The following ARID1B variants were observed in gnomAD, a reference collection of about 807,000 sequenced individuals.
ARID1B encodes AT-rich interaction domain 1B, also known as AT-rich interactive domain-containing protein 1B.
In ARID1B, 30 loss-of-function variants were observed where a neutral mutation model predicts 212.3. That is an observed-to-expected ratio of 0.14 (90% CI 0.11 to 0.19). The LOEUF (loss-of-function observed/expected upper bound fraction) is 0.19, where lower values mean the gene tolerates loss of function less well. Ranked by LOEUF, ARID1B falls within the 10% of genes least tolerant of loss-of-function variation. ARID1B has a pLI of 1.00. For missense variants in ARID1B, 2,891 were observed against 3,204.0 expected (o/e 0.90, Z 2.36); for synonymous variants, 1,402 against 1,301.7 (o/e 1.08, Z -1.66).
intron 19 of ARID1B, chr6:157,204,940 G>A (rs1794346208): frequency 6.6e-6 from 1 of 152,066 alleles, no homozygotes; most frequent in African/African-American, 2.4e-5. Context: ...AGCCTAGAAA[G>A]GCAATTTTTC....
intron 5 of ARID1B, among the ~76,000 whole-genome samples, chr6:157,093,269 C>A (rs1785395613): frequency 6.6e-6 from 1 of 152,110 alleles, no homozygotes; most frequent in South Asian, 2.1e-4. Context: ...CACCATGTTT[C>A]CTAAAAGAGA....
At chr6:156,985,037 C>T (rs975005482) in intron 4 of ARID1B, 7 of 152,026 alleles carry the variant, frequency 4.6e-5, no homozygotes, top group Non-Finnish European at 8.8e-5. Flanking sequence ...GACTTCATTT[C>T]CAAATAAAAG....
chr6:157,157,760 C>T (rs1171071647), intron 8 of ARID1B, among the ~76,000 whole-genome samples: 1 of 152,192 alleles, frequency 6.6e-6, no homozygotes, highest in African/African-American at 2.4e-5. Context: ...CAGTGGCTCA[C>T]GCCCGTAATC....
At chr6:156,798,043 G>A (rs965852121) in intron 1 of ARID1B, among the ~76,000 whole-genome samples, 3 of 152,236 alleles carry the variant, frequency 2.0e-5, no homozygotes, top group African/African-American at 7.2e-5. Context: ...CAGAGGAGTG[G>A]TCGGGAAGGC....
At chr6:156,959,202 A>G (rs534936002) in intron 4 of ARID1B, among the ~76,000 whole-genome samples, 2 of 152,172 alleles carry the variant, frequency 1.3e-5, no homozygotes, top group Non-Finnish European at 2.9e-5. Flanking sequence ...AAAATTATGT[A>G]CAGTCCTCAG....
At chr6:157,043,572 A>G (rs1782026862) in intron 4 of ARID1B, among the ~76,000 whole-genome samples, 1 of 152,142 alleles carries the variant, frequency 6.6e-6, no homozygotes, top group African/African-American at 2.4e-5. Flanking sequence ...TGACTTTCAC[A>G]TGGTAAACAG....
chr6:157,051,147 TG>T (rs1173773130), intron 4 of ARID1B, among the ~76,000 whole-genome samples: 2 of 152,226 alleles, frequency 1.3e-5, no homozygotes, highest in East Asian at 3.8e-4. Flanking sequence ...ACCTGTCATT[TG>T]GGATGATAAA....
Position 156,805,145 on chromosome 6 carries a change from G to A in ARID1B, c.1792-24082G>A, listed in dbSNP as rs537578470. Among the ~76,000 whole-genome samples, 26 of 152,242 alleles carry A rather than the reference G, an allele frequency of 1.7e-4. No individual in the cohort carries two copies. In the South Asian group the frequency reaches 5.2e-3, roughly 30 times the overall value. ...CTCTGGCAGGAACAGGCCTCTCTCA[G>A]CTTACTCAGTAGGCCAAGTTAGAGA... On this transcript the variant is annotated intron_variant, in intron 1 of 19. Coordinates refer to ENST00000636930, the MANE Select transcript of ARID1B (RefSeq NM_001374828.1).
intron 4 of ARID1B, among the ~76,000 whole-genome samples, chr6:156,994,263 C>T (rs1443716874): frequency 1.3e-5 from 2 of 152,208 alleles, no homozygotes; most frequent in Non-Finnish European, 2.9e-5. Context: ...GTATGTGGGT[C>T]TGCGTTCTCT....
At chr6:156,895,029 G>A (rs1788270666) in intron 2 of ARID1B, among the ~76,000 whole-genome samples, 1 of 152,144 alleles carries the variant, frequency 6.6e-6, no homozygotes, top group Non-Finnish European at 1.5e-5. Flanking sequence ...CCAGTGGTGT[G>A]GTGGTGTTCA....
At position 156,812,995 on chromosome 6, in the gene ARID1B, T is replaced by A. The variant is rs1781683336; in HGVS notation, c.1792-16232T>A. On this transcript the variant is annotated intron_variant, in intron 1 of 19. Coordinates refer to ENST00000636930, the MANE Select transcript of ARID1B (RefSeq NM_001374828.1). ...GTGTGTGTATGTATATACATACGTA[T>A]GTATATACATATATATACACATACG... is the stretch of plus-strand genomic sequence containing the variant. Among the ~76,000 whole-genome samples the A allele has an allele frequency of 1.3e-5, 2 of 149,122 alleles. 1 individual carries two copies. Among genetic ancestry groups the A allele is most frequent in the South Asian group, 4.2e-4 (2 of 4,780 alleles).
chr6:156,890,332 A>G (rs919357228), intron 2 of ARID1B, among the ~76,000 whole-genome samples: 1 of 152,228 alleles, frequency 6.6e-6, no homozygotes, highest in Non-Finnish European at 1.5e-5. Flanking sequence ...TGTCTTTATA[A>G]TCTTATATCG....
At chr6:157,087,865 C>T (rs1398882788) in intron 5 of ARID1B, among the ~76,000 whole-genome samples, 1 of 151,838 alleles carries the variant, frequency 6.6e-6, no homozygotes, top group African/African-American at 2.4e-5. Context: ...AGAGGAAGAC[C>T]GGAAAACGAG....
Position 157,167,192 on chromosome 6 carries a change from TTG to T in ARID1B, c.3235+8_3235+9del. ...ATGGTGAACAGCTCGGCAGGTAACC[TTG>T]GCAGCTCTGCGCTCCTGAGCCCCTC... is the stretch of plus-strand genomic sequence containing the variant. On this transcript the variant is annotated splice_region_variant and intron_variant, in intron 9 of 19. Coordinates refer to ENST00000636930, the MANE Select transcript of ARID1B (RefSeq NM_001374828.1). 6.2e-7 allele frequency: 1 copy of T among 1,603,730 alleles called. No homozygotes were observed. The highest frequency in any genetic ancestry group is 8.5e-7 in the Non-Finnish European group (1 of 1,179,226).
At chr6:156,875,054 A>G (rs1444949488) in intron 2 of ARID1B, among the ~76,000 whole-genome samples, 1 of 152,224 alleles carries the variant, frequency 6.6e-6, no homozygotes, top group African/African-American at 2.4e-5. Flanking sequence ...GCTAAATTTT[A>G]CAGTATTCTT....
intron 3 of ARID1B, among the ~76,000 whole-genome samples, chr6:156,908,239 G>A (rs1789567277): frequency 6.6e-6 from 1 of 151,890 alleles, no homozygotes; most frequent in Non-Finnish European, 1.5e-5. Context: ...GTCAATATAG[G>A]CATATTCAAG....
chr6:156,882,285 C>T (rs577510899), intron 2 of ARID1B, among the ~76,000 whole-genome samples: 10 of 152,292 alleles, frequency 6.6e-5, no homozygotes, highest in African/African-American at 2.4e-4. Context: ...GTTGGCCAGC[C>T]TGCCTCTCTG....
At position 157,084,740 on chromosome 6, in the gene ARID1B, A is replaced by T. The variant is rs2128462517; in HGVS notation, c.2326A>T (p.Thr776Ser). 6.2e-7 allele frequency: 1 copy of T among 1,614,174 alleles called. No individual in the cohort carries two copies. The highest frequency in any genetic ancestry group is 8.5e-7 in the Non-Finnish European group (1 of 1,180,034). The change falls in exon 5 of 20, where the codon ACG becomes TCG. Residue 776 changes from threonine to serine, a missense_variant. Transcript: ENST00000636930. ...CTCAGCAGTCAGTGCATCCGGGTCCACGAGCAGCCAAGGGGATCAGAGCAA... is the reference window on the plus strand; with the variant it reads ...CTCAGCAGTCAGTGCATCCGGGTCCTCGAGCAGCCAAGGGGATCAGAGCAA... Reference protein sequence around the residue: ...LSSAVSASGSTSSQGDQSNPA... With the variant: ...LSSAVSASGSSSSQGDQSNPA...
In ARID1B at chr6:156,990,425, A is replaced by G. The variant is rs1477546463; in HGVS notation, c.2247+54849A>G. Among the ~76,000 whole-genome samples, 4 of 151,948 alleles carry G rather than the reference A, an allele frequency of 2.6e-5. No individual in the cohort carries two copies. In the East Asian group the frequency reaches 7.7e-4, roughly 29 times the overall value. On this transcript the variant is annotated intron_variant, in intron 4 of 19. Transcript: ENST00000636930. ...TGGGAGGCCAAGGCAGGCGGATCACAAGGTCAGGAGATCAAGACCCTCCTG... is the reference window on the plus strand; with the variant it reads ...TGGGAGGCCAAGGCAGGCGGATCACGAGGTCAGGAGATCAAGACCCTCCTG...
Sources: allele counts gnomAD v4.1 joint callset (sites outside exome capture counted in the v4.1 genomes callset), GRCh38; gene constraint gnomAD v4.1.1; transcripts MANE v1.5; gene names NCBI Gene and HGNC (gene_info 2026-07-23, HGNC 2026-07-21).